Variants in KCNJ3 observed in about 807,000 individuals in gnomAD.
The protein encoded by KCNJ3 is potassium inwardly rectifying channel subfamily J member 3, also known as G protein-activated inward rectifier potassium channel 1.
KCNJ3 carries 4 observed loss-of-function variants against 39.2 expected under a neutral mutation model. That is an observed-to-expected ratio of 0.10 (90% CI 0.05 to 0.23). The LOEUF is 0.23. Among genes scored for constraint, KCNJ3 ranks in the 10% least tolerant of loss-of-function variants. KCNJ3 has a pLI of 1.00. For missense variants in KCNJ3, 276 were observed against 634.9 expected, an observed-to-expected ratio of 0.43 and a Z score of 6.08; for synonymous variants, 230 against 237.4, an observed-to-expected ratio of 0.97 and a Z score of 0.29.
chr2:154,748,403 C>G (rs1486228090), intron 2 of KCNJ3, among the ~76,000 whole-genome samples: 1 of 151,938 alleles, frequency 6.6e-6, no homozygotes, highest in African/African-American at 2.4e-5. Flanking sequence ...TTCCTTGTTC[C>G]CTTTAATAAA....
At chr2:154,839,672 C>G (rs909441476) in intron 2 of KCNJ3, among the ~76,000 whole-genome samples, 1 of 152,194 alleles carries the variant, frequency 6.6e-6, no homozygotes, top group African/African-American at 2.4e-5. Context: ...ATTTGCATTT[C>G]TCTGATGATC....
At chr2:154,768,380 G>A (rs542514507) in intron 2 of KCNJ3, among the ~76,000 whole-genome samples, 1,536 of 152,262 alleles carry the variant, frequency 0.01, 21 homozygotes, top group African/African-American at 0.035. Context: ...GTAAGGAAGG[G>A]ATCCAGTTTC....
At chr2:154,814,286 T>C (rs1394208973) in intron 2 of KCNJ3, among the ~76,000 whole-genome samples, 1 of 152,194 alleles carries the variant, frequency 6.6e-6, no homozygotes, top group African/African-American at 2.4e-5. Context: ...ATATAGTGTC[T>C]AATATAACGT....
chr2:154,783,254 A>G (rs1419131819), intron 2 of KCNJ3, among the ~76,000 whole-genome samples: 3 of 152,216 alleles, frequency 2.0e-5, no homozygotes, highest in African/African-American at 4.8e-5. Flanking sequence ...TAGGATTTTA[A>G]TAGAATTGGA....
In KCNJ3 at chr2:154,823,156, A is replaced by T. The variant is rs569665419; in HGVS notation, c.920-31571A>T. Reference sequence around the variant, plus strand: ...CAAATAATATTGATATGGTACTAATAAAAAGTATGGTACATACAATCATGC... The same window carrying T: ...CAAATAATATTGATATGGTACTAATTAAAAGTATGGTACATACAATCATGC... On this transcript the variant is annotated intron_variant, in intron 2 of 2. Coordinates refer to ENST00000295101, the MANE Select transcript of KCNJ3 (RefSeq NM_002239.4). Among the ~76,000 whole-genome samples, 5 of 152,244 alleles carry T rather than the reference A, an allele frequency of 3.3e-5. No individual in the cohort carries two copies. In the South Asian group the frequency reaches 8.3e-4, roughly 25 times the overall value.
intron 2 of KCNJ3, among the ~76,000 whole-genome samples, chr2:154,770,879 CT>C (rs1686229195): frequency 7.1e-6 from 1 of 140,734 alleles, no homozygotes; most frequent in South Asian, 2.2e-4. Flanking sequence ...AGATTTTTTT[CT>C]TTTTTCTTTT....
At chr2:154,767,709 G>C (rs1220901752) in intron 2 of KCNJ3, among the ~76,000 whole-genome samples, 1 of 152,098 alleles carries the variant, frequency 6.6e-6, no homozygotes, top group African/African-American at 2.4e-5. Flanking sequence ...CCCAGTAATG[G>C]GATGGCTGGG....
intron 2 of KCNJ3, among the ~76,000 whole-genome samples, chr2:154,851,695 C>T (rs1292820927): frequency 6.6e-6 from 1 of 152,054 alleles, no homozygotes; most frequent in Non-Finnish European, 1.5e-5. Context: ...AATAGATTCT[C>T]CACCTTCCTT....
intron 2 of KCNJ3, among the ~76,000 whole-genome samples, chr2:154,783,497 CAAAATAATAAT>C (rs1406804844): frequency 6.6e-6 from 1 of 152,058 alleles, no homozygotes; most frequent in Non-Finnish European, 1.5e-5. Flanking sequence ...GGATCTGTCT[CAAAATAATAAT>C]ACTTACATGG....
chr2:154,803,092 G>T (rs1040416474), intron 2 of KCNJ3, among the ~76,000 whole-genome samples: 5 of 151,968 alleles, frequency 3.3e-5, no homozygotes, highest in Admixed American at 6.6e-5. Flanking sequence ...GTCGCTTAAG[G>T]TTATTTAGAT....
At chr2:154,750,452 C>T (rs558974747) in intron 2 of KCNJ3, among the ~76,000 whole-genome samples, 10 of 151,944 alleles carry the variant, frequency 6.6e-5, no homozygotes, top group South Asian at 2.1e-4. Context: ...CCTAATGCAA[C>T]GGTAACTTAT....
rs1412102047 is a variant in KCNJ3, at chr2:154,698,726, A to C, written c.-50A>C. The C allele has an allele frequency of 1.4e-6, 1 of 724,090 alleles. No homozygotes were observed. The highest frequency in any genetic ancestry group is 2.0e-6 in the Non-Finnish European group (1 of 491,740). 44.9% of individuals were successfully genotyped at this position (724,090 alleles called of 1,614,324 possible). On this transcript the variant is annotated 5_prime_UTR_variant, in exon 1 of 3. Transcript: ENST00000295101. ...TTATTGGTGCTAGTTTGCAGCGCCC[A>C]GCTCCTGCGCCTTCGCTTCGCGTTT...
At chr2:154,770,603 C>CT (rs1275675824) in intron 2 of KCNJ3, among the ~76,000 whole-genome samples, 2 of 151,868 alleles carry the variant, frequency 1.3e-5, no homozygotes, top group Admixed American at 1.3e-4. Context: ...ACTGCTGATT[C>CT]TTTTTAAATC....
intron 2 of KCNJ3, among the ~76,000 whole-genome samples, chr2:154,746,630 A>G (rs868668442): frequency 7.4e-6 from 1 of 135,008 alleles, no homozygotes; most frequent in African/African-American, 3.2e-5. Flanking sequence ...ATATATATAT[A>G]TGTATATATG....
At chr2:154,773,748 T>G (rs79454453) in intron 2 of KCNJ3, among the ~76,000 whole-genome samples, 3,629 of 152,256 alleles carry the variant, frequency 0.024, 84 homozygotes, top group Middle Eastern at 0.034. Flanking sequence ...GTTATTAAAT[T>G]GATTGAATGT....
rs539169832 is a variant in KCNJ3, at chr2:154,791,790, G to A, written c.920-62937G>A. ...GCAGAAAATACACAAGATCTATGTG[G>A]CTAATCAGCAGAATGCTCAATAGAA... On this transcript the variant is annotated intron_variant, in intron 2 of 2. Transcript: ENST00000295101. Among the ~76,000 whole-genome samples, 251 of 152,084 alleles carry A rather than the reference G, an allele frequency of 1.7e-3. 1 individual carries two copies. The highest frequency in any genetic ancestry group is 1.4e-3 in the East Asian group (7 of 5,168).
At chr2:154,766,933 C>T (rs1446944851) in intron 2 of KCNJ3, among the ~76,000 whole-genome samples, 1 of 152,062 alleles carries the variant, frequency 6.6e-6, no homozygotes, top group East Asian at 1.9e-4. Flanking sequence ...TAGACTTTAT[C>T]ACTGTATCTG....
rs560161506 is a variant in KCNJ3 at position 154,858,172 on chromosome 2, C to T, written c.*2859C>T. On this transcript the variant is annotated 3_prime_UTR_variant, in exon 3 of 3. Coordinates refer to ENST00000295101, the MANE Select transcript of KCNJ3 (RefSeq NM_002239.4). ...GTTTAACCCTTATTTCTAGGTTGAT[C>T]ATAGGTCCCAGTTTACCCAGGAAAA... is the stretch of plus-strand genomic sequence containing the variant. 6.6e-6 allele frequency: 1 copy of T among 152,132 alleles called. No individual in the cohort carries two copies. Among genetic ancestry groups the T allele is most frequent in the Non-Finnish European group, 1.5e-5 (1 of 68,012 alleles). The allele number at this position is 152,132 out of a possible 1,614,324, so 9.4% of individuals were successfully genotyped here.
At chr2:154,752,732 T>C (rs530655269) in intron 2 of KCNJ3, among the ~76,000 whole-genome samples, 39 of 152,118 alleles carry the variant, frequency 2.6e-4, no homozygotes, top group Middle Eastern at 3.4e-3. Context: ...AACTATAAAT[T>C]GGGGACAATA....
Sources: allele counts gnomAD v4.1 joint callset (sites outside exome capture counted in the v4.1 genomes callset), GRCh38; gene constraint gnomAD v4.1.1; transcripts MANE v1.5; gene names NCBI Gene and HGNC (gene_info 2026-07-23, HGNC 2026-07-21).